Variants in LACTBL1 observed in about 807,000 individuals in gnomAD.
LACTBL1 encodes the protein beta-lactamase-like protein 1.
A neutral mutation model predicts 39.6 loss-of-function variants in LACTBL1; 29 were observed. The ratio of observed to expected loss-of-function variants is 0.73; its 90% confidence interval spans 0.55 to 1.00. LACTBL1 has a LOEUF of 1.00. LACTBL1 is among the 50% of genes least tolerant of loss of function. LACTBL1 has a pLI of 0.00. For synonymous variants in LACTBL1, 361 were observed against 360.7 expected (o/e 1.00, Z -0.01); for missense variants, 711 against 748.5 (o/e 0.95, Z 0.59).
Position 22,955,541 on chromosome 1 carries a change from T to G in LACTBL1, c.554-115A>C, listed in dbSNP as rs1046731851. On this transcript the variant is annotated intron_variant, in intron 4 of 5. Coordinates refer to ENST00000426928, the Ensembl canonical transcript of LACTBL1. ...TTGAGAGATAACAACAACAAATCAGTTTTTTAAAAAAGAAAATCAGCCTAG... is the reference window on the plus strand; with the variant it reads ...TTGAGAGATAACAACAACAAATCAGGTTTTTAAAAAAGAAAATCAGCCTAG... The G allele has an allele frequency of 5.9e-6, 4 of 677,388 alleles. No individual in the cohort carries two copies. The African/African-American group carries it at 7.2e-5, about 12-fold the overall frequency. The allele number at this position is 677,388 out of a possible 1,614,324, so 42.0% of individuals were successfully genotyped here.
At chr1:22,972,190 T>TGATGAA in the LACTBL1 span, 1 of 163,160 alleles carries the variant, frequency 6.1e-6, no homozygotes, top group Non-Finnish European at 1.0e-5. Flanking sequence ...ATGATGATGA[T>TGATGAA]GAAGGTAACG....
chr1:22,953,425 G>T (rs1310631387), exon 6 of LACTBL1: 1 of 1,227,578 alleles, frequency 8.1e-7, no homozygotes, highest in Non-Finnish European at 1.0e-6. Context: ...CGGCGGAGCC[G>T]GGCCGGGCTC....
chr1:22,953,938 G>A (rs1318546041), exon 6 of LACTBL1: 2 of 1,550,222 alleles, frequency 1.3e-6, no homozygotes, highest in Non-Finnish European at 8.7e-7. Context: ...CACGTTCTCC[G>A]AGACCCAGCG....
At chr1:22,958,467 G>A (rs1640784089) in intron 4 of LACTBL1, among the ~76,000 whole-genome samples, 1 of 152,180 alleles carries the variant, frequency 6.6e-6, no homozygotes, top group Admixed American at 6.5e-5. Context: ...AACTCATCTT[G>A]ATGTTTCTAC....
At chr1:22,953,718 C>T in exon 6 of LACTBL1, 1 of 1,333,754 alleles carries the variant, frequency 7.5e-7, no homozygotes, top group South Asian at 2.0e-5. Flanking sequence ...CCGCGTCGGG[C>T]CGCAGGAGCC....
At chr1:22,955,494 C>G in intron 4 of LACTBL1, 68 bp from the exon 7 acceptor site, 1 of 983,466 alleles carries the variant, frequency 1.0e-6, no homozygotes, top group Non-Finnish European at 1.5e-6. Context: ...CCTGGGTGCA[C>G]TCCCTCCCCA....
chr1:22,963,053 T>C, intron 2 of LACTBL1, 54 bp downstream of exon 4: 1 of 986,290 alleles, frequency 1.0e-6, no homozygotes, highest in Middle Eastern at 2.4e-4. Context: ...TGCCCTCCCC[T>C]TCATCACCCA....
exon 6 of LACTBL1, chr1:22,953,044 C>G: frequency 6.5e-6 from 8 of 1,232,294 alleles, no homozygotes; most frequent in Non-Finnish European, 8.1e-6. Flanking sequence ...AGCCCGGGGT[C>G]ACTGGGTCTT....
chr1:22,959,797 C>T (rs1432868195), intron 3 of LACTBL1, 145 bp downstream of exon 5: 9 of 962,610 alleles, frequency 9.3e-6, no homozygotes, highest in South Asian at 5.4e-5. Context: ...TCGGTCTCCT[C>T]TTCTATAAAA....
intron 1 of LACTBL1, among the ~76,000 whole-genome samples, chr1:22,964,847 G>A (rs1020447632): frequency 6.6e-6 from 1 of 152,214 alleles, no homozygotes; most frequent in Non-Finnish European, 1.5e-5. Flanking sequence ...CGTTCAGGAA[G>A]GAGAGGCTCC....
chr1:22,969,589 C>A (rs1352812762), upstream of LACTBL1, among the ~76,000 whole-genome samples: 2 of 152,174 alleles, frequency 1.3e-5, no homozygotes, highest in African/African-American at 4.8e-5. Context: ...GCGAACTCCG[C>A]CAGCCCATTC....
At chr1:22,957,018 C>T (rs1258462400) in intron 4 of LACTBL1, among the ~76,000 whole-genome samples, 1 of 151,920 alleles carries the variant, frequency 6.6e-6, no homozygotes, top group Admixed American at 6.6e-5. Context: ...CTAATATATA[C>T]TACATACTTG....
the LACTBL1 span, chr1:22,972,539 G>A: frequency 9.2e-6 from 5 of 543,714 alleles, no homozygotes; most frequent in African/African-American, 2.1e-5. Context: ...CCTCCCAGGT[G>A]AGAGAAACAG....
chr1:22,955,281 G>C lies in LACTBL1; in HGVS notation c.659+40C>G, dbSNP rs184367899. ...CCAGGCAGGTGTGTCTCCCCAGGAG[G>C]CTCCTAACATGAGGCTGGGCATCAG... is the stretch of plus-strand genomic sequence containing the variant. On this transcript the variant is annotated intron_variant, in intron 5 of 5. Coordinates refer to ENST00000426928, the Ensembl canonical transcript of LACTBL1. The C allele has an allele frequency of 5.4e-6, 8 of 1,473,268 alleles. No homozygotes were observed. In the East Asian group the frequency reaches 9.9e-5, roughly 18 times the overall value. 91.3% of individuals were successfully genotyped at this position (1,473,268 alleles called of 1,614,324 possible).
intron 3 of LACTBL1, 46 bp downstream of exon 5, chr1:22,959,896 C>T: frequency 6.5e-7 from 1 of 1,548,004 alleles, no homozygotes. Flanking sequence ...CCCTTGCCCT[C>T]CCATCCCTTA....
the LACTBL1 span, among the ~76,000 whole-genome samples, chr1:22,970,644 C>T: frequency 6.6e-6 from 1 of 151,408 alleles, no homozygotes; most frequent in Non-Finnish European, 1.5e-5. Context: ...TCTGCCTGTA[C>T]AAAAAAATAG....
exon 6 of LACTBL1, chr1:22,953,790 C>T (rs1640733918): frequency 6.5e-7 from 1 of 1,543,394 alleles, no homozygotes; most frequent in Non-Finnish European, 8.7e-7. Context: ...CGGTAGAGTA[C>T]ATCTGGCCCG....
chr1:22,956,355 A>G (rs1640761752), intron 4 of LACTBL1, among the ~76,000 whole-genome samples: 1 of 152,064 alleles, frequency 6.6e-6, no homozygotes, highest in African/African-American at 2.4e-5. Context: ...TGGGAAACAG[A>G]GTGAGACCCT....
Position 22,954,025 on chromosome 1 carries a change from C to T in LACTBL1, c.660-1G>A. On this transcript the variant is annotated splice_acceptor_variant, in intron 5 of 5. Transcript: ENST00000426928. LOFTEE classifies it high-confidence loss of function. Reference sequence around the variant, plus strand: ...GAAGGCCAGCGTGCTGTAATGGCATCTGGAAGGAGAGCAGTGGCAAGTGGG... The same window carrying T: ...GAAGGCCAGCGTGCTGTAATGGCATTTGGAAGGAGAGCAGTGGCAAGTGGG... 6.6e-7 allele frequency: 1 copy of T among 1,525,166 alleles called. No homozygotes were observed. The highest frequency in any genetic ancestry group is 8.8e-7 in the Non-Finnish European group (1 of 1,131,592). 94.5% of individuals were successfully genotyped at this position (1,525,166 alleles called of 1,614,324 possible). A position where few individuals can be genotyped will look rare whatever the true frequency, so the allele number is the denominator to read the frequency against.
Sources: allele counts gnomAD v4.1 joint callset (sites outside exome capture counted in the v4.1 genomes callset), GRCh38; gene constraint gnomAD v4.1.1; transcripts MANE v1.5; gene names NCBI Gene and HGNC (gene_info 2026-07-23, HGNC 2026-07-21).